Variants in MAPK10 observed in about 807,000 individuals in gnomAD.
MAPK10 encodes mitogen-activated protein kinase 10, also known as JNK3 alpha protein kinase.
MAPK10 carries 25 observed loss-of-function variants against 59.3 expected under a neutral mutation model. That is an observed-to-expected ratio of 0.42 (90% CI 0.31 to 0.59). The LOEUF is 0.59. Ranked by LOEUF, MAPK10 falls within the 20% of genes least tolerant of loss-of-function variation. The pLI is 0.15. For missense variants in MAPK10, 351 were observed against 568.9 expected (o/e 0.62, Z 3.90); for synonymous variants, 190 against 200.5 (o/e 0.95, Z 0.44).
chr4:86,138,984 A>C (rs1325454354), intron 4 of MAPK10, among the ~76,000 whole-genome samples: 1 of 105,236 alleles, frequency 9.5e-6, no homozygotes, highest in African/African-American at 2.6e-5. Context: ...AGGGATGTGA[A>C]GGACCTCTTC....
At chr4:86,028,113 G>A (rs945931927) in intron 13 of MAPK10, 4 of 152,280 alleles carry the variant, frequency 2.6e-5, no homozygotes, top group Non-Finnish European at 5.9e-5. Context: ...GGCATCTTGA[G>A]GCTTTTGGAT....
chr4:86,466,460 G>T lies in MAPK10; in HGVS notation c.-262-111816C>A, dbSNP rs559606390. The stretch of plus-strand genomic sequence containing the variant: ...TGACACCTCAACCTCAAATGATATG[G>T]CCCGTTGTAGGCCACATGCTATATT... On this transcript the variant is annotated intron_variant, in intron 1 of 4. Coordinates refer to the MAPK10 transcript ENST00000502302. Among the ~76,000 whole-genome samples, 51 of 152,232 alleles carry T rather than the reference G, an allele frequency of 3.4e-4. 1 individual carries two copies. Among genetic ancestry groups the T allele is most frequent in the African/African-American group, 1.2e-3 (49 of 41,540 alleles).
At chr4:86,042,569 G>A (rs779966674) in intron 11 of MAPK10, among the ~76,000 whole-genome samples, 2 of 152,100 alleles carry the variant, frequency 1.3e-5, no homozygotes, top group Non-Finnish European at 2.9e-5. Context: ...TGGGAGGAAT[G>A]GTGGAGTAAA....
At chr4:86,470,173 A>G (rs1752548641) in intron 1 of MAPK10, among the ~76,000 whole-genome samples, 1 of 152,166 alleles carries the variant, frequency 6.6e-6, no homozygotes, top group Non-Finnish European at 1.5e-5. Flanking sequence ...TTCTAAATCC[A>G]CCCTTAATAT....
intron 1 of MAPK10, among the ~76,000 whole-genome samples, chr4:86,378,654 C>T (rs1321963367): frequency 1.3e-5 from 2 of 152,190 alleles, no homozygotes; most frequent in Non-Finnish European, 2.9e-5. Context: ...TTGAATGCAA[C>T]AATCTTACAA....
At chr4:86,318,454 C>A (rs1182300469) in intron 2 of MAPK10, among the ~76,000 whole-genome samples, 1 of 152,084 alleles carries the variant, frequency 6.6e-6, no homozygotes, top group Non-Finnish European at 1.5e-5. Context: ...AAAAAATTGG[C>A]TGATTTTAGG....
intron 2 of MAPK10, among the ~76,000 whole-genome samples, chr4:86,242,942 G>C (rs548190719): frequency 6.6e-6 from 1 of 152,186 alleles, no homozygotes; most frequent in South Asian, 2.1e-4. Context: ...GCTAGGCCCC[G>C]GTGGCATGGG....
chr4:86,095,134 T>C (rs1362523256), intron 9 of MAPK10: 2 of 151,808 alleles, frequency 1.3e-5, no homozygotes, highest in Admixed American at 6.6e-5. Flanking sequence ...AGCAAATATG[T>C]ATTGTTTATT....
chr4:86,102,075 C>G (rs1252235284), intron 6 of MAPK10, 43 bp from the exon 7 acceptor site: 14 of 1,577,848 alleles, frequency 8.9e-6, no homozygotes, highest in Non-Finnish European at 1.2e-5. Context: ...ATCACAAGAT[C>G]TATGAAGTCC....
intron 3 of MAPK10, among the ~76,000 whole-genome samples, chr4:86,180,100 T>C (rs989487002): frequency 3.3e-5 from 5 of 152,060 alleles, no homozygotes; most frequent in African/African-American, 9.7e-5. Context: ...AGGGAATTAA[T>C]ATCCTAAATA....
chr4:86,124,126 A>G (rs986866521), intron 4 of MAPK10: 1 of 151,916 alleles, frequency 6.6e-6, no homozygotes, highest in Non-Finnish European at 1.5e-5. Context: ...ATAACACACA[A>G]AAAATTTTTG....
At position 86,464,364 on chromosome 4, in the gene MAPK10, TA is replaced by T. The variant is rs200627139; in HGVS notation, c.-262-109721del. Reference sequence around the variant, plus strand: ...AATGCTCTATACTTCAGCTTAGCTGTAATTGAGGTATTCACTGCTTTTGATA... The same window carrying T: ...AATGCTCTATACTTCAGCTTAGCTGTATTGAGGTATTCACTGCTTTTGATA... On this transcript the variant is annotated intron_variant, in intron 1 of 4. Transcript: ENST00000502302. Among the ~76,000 whole-genome samples the T allele has an allele frequency of 6.1e-3, 924 of 152,320 alleles. 7 individuals carry two copies. The highest frequency in any genetic ancestry group is 0.02 in the African/African-American group (826 of 41,582).
chr4:86,518,619 G>C (rs1756879839), intron 1 of MAPK10, among the ~76,000 whole-genome samples: 1 of 148,808 alleles, frequency 6.7e-6, no homozygotes, highest in African/African-American at 2.5e-5. Context: ...ATTTAGTTCT[G>C]CTCTGATCTT....
At chr4:86,262,815 A>G (rs1327086272) in intron 2 of MAPK10, among the ~76,000 whole-genome samples, 1 of 152,046 alleles carries the variant, frequency 6.6e-6, no homozygotes, top group African/African-American at 2.4e-5. Flanking sequence ...TCTGCCTAAC[A>G]TCTTGTGCTG....
chr4:86,173,033 C>G (rs931050527), intron 3 of MAPK10, among the ~76,000 whole-genome samples: 1 of 151,968 alleles, frequency 6.6e-6, no homozygotes, highest in Non-Finnish European at 1.5e-5. Flanking sequence ...GTGAAAATGG[C>G]CATACTGCCC....
chr4:86,215,655 G>C (rs967842002), intron 2 of MAPK10, among the ~76,000 whole-genome samples: 3 of 152,168 alleles, frequency 2.0e-5, no homozygotes, highest in Non-Finnish European at 2.9e-5. Flanking sequence ...GAGGTTAGGA[G>C]ATCAAGATCA....
intron 2 of MAPK10, among the ~76,000 whole-genome samples, chr4:86,312,819 G>A (rs549463900): frequency 2.0e-5 from 3 of 152,084 alleles, no homozygotes; most frequent in Non-Finnish European, 2.9e-5. Context: ...ACTTAATAGT[G>A]GAGAAACAGT....
chr4:86,114,186 T>C (rs2057967798), intron 4 of MAPK10, among the ~76,000 whole-genome samples: 1 of 152,200 alleles, frequency 6.6e-6, no homozygotes, highest in East Asian at 1.9e-4. Context: ...CAAAGTTCGT[T>C]ATTACCCACC....
At chr4:86,161,044 T>TGTAGGTTCCAG (rs1462820400) in intron 3 of MAPK10, among the ~76,000 whole-genome samples, 2 of 151,986 alleles carry the variant, frequency 1.3e-5, no homozygotes, top group East Asian at 3.9e-4. Flanking sequence ...TGCTAGGATC[T>TGTAGGTTCCAG]TGAGGCCTCC....
Sources: gnomAD v4.1 joint callset for allele counts (sites outside exome capture counted in the v4.1 genomes callset) on GRCh38, gnomAD v4.1.1 for gene constraint, MANE v1.5 for transcripts, NCBI Gene and HGNC (gene_info 2026-07-23, HGNC 2026-07-21) for gene names.